PDSS2: variants seen among roughly 807,000 people sequenced by gnomAD.
PDSS2 encodes the protein decaprenyl diphosphate synthase subunit 2.
In PDSS2, 31 loss-of-function variants were observed where a neutral mutation model predicts 44.5. The observed-to-expected ratio is 0.70, with a 90% confidence interval of 0.52 to 0.94. The LOEUF (loss-of-function observed/expected upper bound fraction) is 0.94, where lower values mean the gene tolerates loss of function less well. PDSS2 is among the 40% of genes least tolerant of loss of function. The probability of loss-of-function intolerance (pLI) is 0.00; values close to 1 mark genes in which losing one functional copy is unlikely to be tolerated. For synonymous variants in PDSS2, 157 were observed against 180.3 expected, an observed-to-expected ratio of 0.87 and a Z score of 1.03; for missense variants, 452 against 482.2, an observed-to-expected ratio of 0.94 and a Z score of 0.59.
intron 4 of PDSS2, among the ~76,000 whole-genome samples, chr6:107,240,600 GT>G (rs1774391215): frequency 6.6e-6 from 1 of 151,668 alleles, no homozygotes; most frequent in Non-Finnish European, 1.5e-5. Flanking sequence ...GTTTCGCCAT[GT>G]TGGCCAGCCT....
chr6:107,426,797 GC>G (rs1362594356), intron 1 of PDSS2, among the ~76,000 whole-genome samples: 1 of 152,120 alleles, frequency 6.6e-6, no homozygotes, highest in African/African-American at 2.4e-5. Context: ...GAGGCCTGTA[GC>G]CCCTTTGTTT....
intron 7 of PDSS2, among the ~76,000 whole-genome samples, chr6:107,183,814 G>C (rs764735233): frequency 1.7e-4 from 26 of 152,116 alleles, no homozygotes; most frequent in Non-Finnish European, 3.4e-4. Flanking sequence ...AGAATTGCTT[G>C]AACCCGGGAA....
At chr6:107,158,481 C>A (rs781951521) in intron 7 of PDSS2, among the ~76,000 whole-genome samples, 1 of 151,612 alleles carries the variant, frequency 6.6e-6, no homozygotes, top group Non-Finnish European at 1.5e-5. Context: ...CACTGTGCTC[C>A]GCCAGAGGCC....
At chr6:107,226,344 C>T (rs1392992447) in intron 4 of PDSS2, among the ~76,000 whole-genome samples, 2 of 152,254 alleles carry the variant, frequency 1.3e-5, no homozygotes, top group South Asian at 2.1e-4. Flanking sequence ...AACTGAGATA[C>T]TTCTGATGCA....
At chr6:107,305,967 A>C (rs942235519) in intron 2 of PDSS2, among the ~76,000 whole-genome samples, 3 of 152,200 alleles carry the variant, frequency 2.0e-5, no homozygotes, top group Admixed American at 2.0e-4. Context: ...CCATCATCTA[A>C]CCTGGTACCT....
chr6:107,270,222 C>T (rs558820357), intron 3 of PDSS2, among the ~76,000 whole-genome samples: 10 of 152,256 alleles, frequency 6.6e-5, no homozygotes, highest in African/African-American at 2.4e-4. Context: ...GATTCTCGTG[C>T]CTCAGCCTCC....
At chr6:107,202,546 C>A (rs1370897572) in intron 6 of PDSS2, among the ~76,000 whole-genome samples, 1 of 152,084 alleles carries the variant, frequency 6.6e-6, no homozygotes, top group Non-Finnish European at 1.5e-5. Context: ...TTGTGTTGCT[C>A]GGCTTTCTAG....
chr6:107,255,059 C>CG (rs1774962189), intron 3 of PDSS2, among the ~76,000 whole-genome samples: 3 of 151,150 alleles, frequency 2.0e-5, no homozygotes, highest in Admixed American at 1.3e-4. Context: ...TTACTAGAGA[C>CG]GGGGTTTCAC....
At chr6:107,319,195 A>G (rs781488937) in intron 2 of PDSS2, among the ~76,000 whole-genome samples, 1 of 152,184 alleles carries the variant, frequency 6.6e-6, no homozygotes, top group Admixed American at 6.5e-5. Context: ...AATGTTTTAA[A>G]TATTTAAATA....
chr6:107,237,462 C>A (rs569573466), intron 4 of PDSS2, among the ~76,000 whole-genome samples: 1 of 151,622 alleles, frequency 6.6e-6, no homozygotes, highest in African/African-American at 2.4e-5. Context: ...AGGATGGTTT[C>A]GAACTCCTGA....
chr6:107,427,315 G>A (rs924972016), intron 1 of PDSS2, among the ~76,000 whole-genome samples: 6 of 152,070 alleles, frequency 3.9e-5, no homozygotes, highest in African/African-American at 9.7e-5. Context: ...CCTGCCTAAC[G>A]CCATGATCAT....
chr6:107,364,236 T>G (rs1032021940), intron 1 of PDSS2, among the ~76,000 whole-genome samples: 21 of 152,338 alleles, frequency 1.4e-4, no homozygotes, highest in African/African-American at 5.1e-4. Context: ...TCCTGCGCCG[T>G]GCGCTCGCAT....
intron 3 of PDSS2, among the ~76,000 whole-genome samples, chr6:107,248,227 C>T: frequency 6.6e-6 from 1 of 151,920 alleles, no homozygotes; most frequent in East Asian, 1.9e-4. Context: ...TAACATATTC[C>T]CCCCTCAGAT....
chr6:107,239,820 T>G (rs1481579824), intron 4 of PDSS2, among the ~76,000 whole-genome samples: 1 of 151,958 alleles, frequency 6.6e-6, no homozygotes, highest in Non-Finnish European at 1.5e-5. Context: ...TTTTGTATTT[T>G]TAGCAGAGAC....
chr6:107,454,840 A>T (rs763914285), intron 1 of PDSS2, among the ~76,000 whole-genome samples: 7 of 152,220 alleles, frequency 4.6e-5, no homozygotes, highest in Non-Finnish European at 7.3e-5. Flanking sequence ...CCTTGATTTT[A>T]GTTATAATTT....
intron 7 of PDSS2, among the ~76,000 whole-genome samples, chr6:107,172,717 C>T (rs1771622602): frequency 6.6e-6 from 1 of 151,600 alleles, no homozygotes; most frequent in Non-Finnish European, 1.5e-5. Context: ...GTGGCAGCCC[C>T]AGGATAAGTG....
chr6:107,194,627 A>G (rs1772489928), intron 6 of PDSS2, among the ~76,000 whole-genome samples: 1 of 152,244 alleles, frequency 6.6e-6, no homozygotes, highest in Non-Finnish European at 1.5e-5. Context: ...TTCAGGAGGC[A>G]CAAAATGTCA....
chr6:107,291,572 C>T (rs2115023517), intron 2 of PDSS2, among the ~76,000 whole-genome samples: 1 of 148,708 alleles, frequency 6.7e-6, no homozygotes, highest in Non-Finnish European at 1.5e-5. Flanking sequence ...CACTATGTTG[C>T]CCAGGCTGGT....
intron 3 of PDSS2, among the ~76,000 whole-genome samples, chr6:107,261,947 T>C (rs1775251691): frequency 7.0e-6 from 1 of 143,410 alleles, no homozygotes; most frequent in African/African-American, 2.6e-5. Context: ...CTGGCTCTGT[T>C]GCCCAGGCTG....
Sources: gnomAD v4.1 joint callset for allele counts (sites outside exome capture counted in the v4.1 genomes callset) on GRCh38, gnomAD v4.1.1 for gene constraint, MANE v1.5 for transcripts, NCBI Gene and HGNC (gene_info 2026-07-23, HGNC 2026-07-21) for gene names.